The following TOPAZ1 variants were observed in gnomAD, a reference collection of about 807,000 sequenced individuals.
TOPAZ1 encodes the protein protein TOPAZ1.
Under a neutral mutation model 172.2 loss-of-function variants are expected in TOPAZ1, and 66 were observed. The observed-to-expected ratio is 0.38, with a 90% CI of 0.31 to 0.47. The LOEUF is 0.47. TOPAZ1 is among the 20% of genes least tolerant of loss of function. TOPAZ1 has a pLI of 0.99. For missense variants in TOPAZ1, 1,822 were observed against 1,972.4 expected (o/e 0.92, Z 1.44); for synonymous variants, 681 against 683.9 (o/e 1.00, Z 0.07).
chr3:44,305,453 T>C, intron 14 of TOPAZ1, 132 bp downstream of exon 14: 1 of 663,730 alleles, frequency 1.5e-6, no homozygotes, highest in Non-Finnish European at 2.3e-6. Flanking sequence ...CACCGCAGCC[T>C]CGAACTCCTG....
At chr3:44,282,068 A>T (rs1404466062) in intron 9 of TOPAZ1, 37 bp downstream of exon 9, 2 of 1,323,020 alleles carry the variant, frequency 1.5e-6, no homozygotes, top group Non-Finnish European at 2.1e-6. Flanking sequence ...GAAGCTATTA[A>T]TGTGTTGTTT....
In TOPAZ1 at chr3:44,242,057, C is replaced by T; in HGVS notation, c.4C>T (p.Arg2Ter). Residue 2 changes from arginine to a stop codon, truncating the protein, a stop_gained, in exon 1 of 20, where the codon CGA (arginine) becomes TGA (stop). Coordinates refer to ENST00000309765, the MANE Select transcript of TOPAZ1 (RefSeq NM_001145030.2). LOFTEE classifies it high-confidence loss of function. The part of the protein sequence containing the change: M[R>*]RPPPLGPTTA... ...CAGCGGGCCGGCCCCGGGGCACATG[C>T]GACGACCTCCACCCCTGGGCCCCAC... The T allele has an allele frequency of 6.5e-7, 1 of 1,543,646 alleles. No homozygotes were observed. The highest frequency in any genetic ancestry group is 8.7e-7 in the Non-Finnish European group (1 of 1,146,122).
At position 44,243,724 on chromosome 3, in the gene TOPAZ1, A is replaced by C; in HGVS notation, c.1218A>C (p.Thr406=). The change falls in exon 2 of 20, where the codon ACA becomes ACC. Residue 406 remains threonine, a synonymous_variant. Coordinates refer to ENST00000309765, the MANE Select transcript of TOPAZ1 (RefSeq NM_001145030.2). ...TCCCAGAAACAGTAGAAAAAGAAAC[A>C]AGTTCTGAACATCATGTAAATGCTG... The part of the protein sequence containing the change: ...LSVPETVEKE[T]SSEHHVNAVF... 6.4e-7 allele frequency: 1 copy of C among 1,551,002 alleles called. No individual in the cohort carries two copies. Among genetic ancestry groups the C allele is most frequent in the South Asian group, 1.2e-5 (1 of 83,804 alleles).
rs1331101751 is a variant in TOPAZ1, at chr3:44,290,872, G to T, written c.3783G>T (p.Leu1261=). The T allele has an allele frequency of 4.5e-6, 7 of 1,542,208 alleles. No homozygotes were observed. Among genetic ancestry groups the T allele is most frequent in the South Asian group, 1.2e-5 (1 of 82,428 alleles). The change falls in exon 12 of 20, where the codon CTG becomes CTT. Residue 1261 remains leucine, a synonymous_variant. Transcript: ENST00000309765. ...CCAAACAAGAAATAACTGCAGTTCTGGAAATGAAATCGAGGTGAGAAAAAT... is the reference window on the plus strand; with the variant it reads ...CCAAACAAGAAATAACTGCAGTTCTTGAAATGAAATCGAGGTGAGAAAAAT... The part of the protein sequence containing the change: ...QASKQEITAV[L]EMKSRLQMRR...
chr3:44,242,036 G>A lies in TOPAZ1; in HGVS notation c.-18G>A, dbSNP rs1394870103. 3.9e-6 allele frequency: 6 copies of A among 1,537,964 alleles called. No homozygotes were observed. Among genetic ancestry groups the A allele is most frequent in the Non-Finnish European group, 5.2e-6 (6 of 1,145,074 alleles). On this transcript the variant is annotated 5_prime_UTR_variant, in exon 1 of 20. Transcript: ENST00000309765. ...CGAGCTGGTGCAGAGGGGCCCCAGC[G>A]GGCCGGCCCCGGGGCACATGCGACG... is the stretch of plus-strand genomic sequence containing the variant.
intron 16 of TOPAZ1, among the ~76,000 whole-genome samples, chr3:44,311,023 C>T (rs73088483): frequency 0.19 from 28,479 of 151,828 alleles, 2,869 homozygotes; most frequent in Middle Eastern, 0.29. Context: ...GGGATAAGAA[C>T]GAAAAAACCT....
chr3:44,288,422 G>A (rs539336806), intron 11 of TOPAZ1, among the ~76,000 whole-genome samples: 2 of 152,206 alleles, frequency 1.3e-5, no homozygotes, highest in East Asian at 1.9e-4. Flanking sequence ...GGTGGCTCAC[G>A]CCTGTAATCC....
intron 8 of TOPAZ1, among the ~76,000 whole-genome samples, chr3:44,279,230 TTGTA>T (rs1293953338): frequency 6.6e-6 from 1 of 152,178 alleles, no homozygotes; most frequent in Non-Finnish European, 1.5e-5. Flanking sequence ...CTGGTTCGTT[TTGTA>T]TTCTAACATA....
chr3:44,269,394 C>A (rs1699868473), intron 7 of TOPAZ1, 93 bp downstream of exon 7: 5 of 690,212 alleles, frequency 7.2e-6, no homozygotes, highest in Non-Finnish European at 1.0e-5. Flanking sequence ...TTCCTCCACT[C>A]CCTCTTTTAT....
rs1699701919 is a variant in TOPAZ1, at chr3:44,256,235, G to C, written c.2912G>C (p.Gly971Ala). 2.6e-6 allele frequency: 4 copies of C among 1,536,164 alleles called. No individual in the cohort carries two copies. The highest frequency in any genetic ancestry group is 2.6e-6 in the Non-Finnish European group (3 of 1,142,656). Residue 971 changes from glycine to alanine, a missense_variant, in exon 4 of 20, where the codon GGA (glycine) becomes GCA (alanine). By Grantham distance (60) the Gly-to-Ala change is moderately conservative. Coordinates refer to ENST00000309765, the MANE Select transcript of TOPAZ1 (RefSeq NM_001145030.2). ...ANETSENETL[G>A]DFSEQIKGSD... The stretch of plus-strand genomic sequence containing the variant: ...GAGACCTCTGAAAATGAAACACTGG[G>C]AGACTTCAGTGAACAAATAAAAGGT...
intron 9 of TOPAZ1, among the ~76,000 whole-genome samples, chr3:44,284,431 T>C (rs1051134687): frequency 2.6e-5 from 4 of 152,346 alleles, no homozygotes; most frequent in Non-Finnish European, 5.9e-5. Context: ...TTATCCATAT[T>C]GTAACGTGTA....
Position 44,242,253 on chromosome 3 carries a change from A to T in TOPAZ1, c.200A>T (p.Lys67Met). 2.6e-6 allele frequency: 4 copies of T among 1,548,566 alleles called. No individual in the cohort carries two copies. The highest frequency in any genetic ancestry group is 3.5e-6 in the Non-Finnish European group (4 of 1,146,184). The change falls in exon 1 of 20, where the codon AAG becomes ATG. Residue 67 changes from lysine to methionine, a missense_variant. Lys to Met is a moderately conservative substitution (Grantham distance 95, BLOSUM62 -1). This residue lies in a region of TOPAZ1 where 1,489 missense variants were observed against 1,490.8 expected (regional missense o/e 1.00). Coordinates refer to ENST00000309765, the MANE Select transcript of TOPAZ1 (RefSeq NM_001145030.2). ...GGGAGAGGCGAGGTGGAAAGTGATA[A>T]GTCGGTTGCAGCATCAGGGGCTGGA... ...TPGRGEVESD[K>M]SVAASGAGKA...
rs573797728 is a variant in TOPAZ1, at chr3:44,269,692, C to T, written c.3246+391C>T. Among the ~76,000 whole-genome samples, 297 of 151,756 alleles carry T rather than the reference C, an allele frequency of 2.0e-3. 1 individual carries two copies. The highest frequency in any genetic ancestry group is 4.0e-3 in the Admixed American group (61 of 15,214). Reference sequence around the variant, plus strand: ...CTGGAGTACAATGGCATGATCTTGGCTCACTGCAACCTCTGCCTCCTGGGT... The same window carrying T: ...CTGGAGTACAATGGCATGATCTTGGTTCACTGCAACCTCTGCCTCCTGGGT... On this transcript the variant is annotated intron_variant, in intron 7 of 19. Coordinates refer to ENST00000309765, the MANE Select transcript of TOPAZ1 (RefSeq NM_001145030.2).
downstream of TOPAZ1, among the ~76,000 whole-genome samples, chr3:44,336,413 G>A (rs889234070): frequency 2.6e-5 from 4 of 152,186 alleles, no homozygotes; most frequent in African/African-American, 4.8e-5. Context: ...TGTTTATAAA[G>A]CTGAATAACT....
At chr3:44,290,140 C>T (rs752467778) in intron 11 of TOPAZ1, among the ~76,000 whole-genome samples, 4 of 152,144 alleles carry the variant, frequency 2.6e-5, no homozygotes, top group East Asian at 1.9e-4. Flanking sequence ...TATCTTCCCA[C>T]GTTTCCAGGA....
chr3:44,285,696 G>A (rs1190120943), intron 9 of TOPAZ1, among the ~76,000 whole-genome samples: 1 of 151,372 alleles, frequency 6.6e-6, no homozygotes, highest in Non-Finnish European at 1.5e-5. Context: ...CAGTCTCCCT[G>A]AGTAGCTGTG....
At position 44,297,866 on chromosome 3, in the gene TOPAZ1, A is replaced by G. The variant is rs1700217273; in HGVS notation, c.3798-6149A>G. Among the ~76,000 whole-genome samples, 3 of 152,240 alleles carry G rather than the reference A, an allele frequency of 2.0e-5. No individual in the cohort carries two copies. In the South Asian group the frequency reaches 6.2e-4, roughly 31 times the overall value. Reference sequence around the variant, plus strand: ...AAACGAACTGGGGAAACCAGCATTTAAAACAATATAATTTACAATGGCTAA... The same window carrying G: ...AAACGAACTGGGGAAACCAGCATTTGAAACAATATAATTTACAATGGCTAA... On this transcript the variant is annotated intron_variant, in intron 12 of 19. Transcript: ENST00000309765.
intron 2 of TOPAZ1, among the ~76,000 whole-genome samples, chr3:44,254,160 C>T (rs1699667289): frequency 6.6e-6 from 1 of 152,152 alleles, no homozygotes; most frequent in Non-Finnish European, 1.5e-5. Context: ...AGTTTTGCCA[C>T]AGTTTACACA....
At chr3:44,328,519 T>G (rs1700628220) in intron 19 of TOPAZ1, 86 bp downstream of exon 19, 3 of 665,206 alleles carry the variant, frequency 4.5e-6, no homozygotes, top group Non-Finnish European at 7.2e-6. Flanking sequence ...TTATGTGTTT[T>G]TATACATACA....
Sources: allele counts gnomAD v4.1 joint callset (sites outside exome capture counted in the v4.1 genomes callset), GRCh38; gene constraint gnomAD v4.1.1; regional missense constraint gnomAD v4.1.1; transcripts MANE v1.5; gene names NCBI Gene and HGNC (gene_info 2026-07-23, HGNC 2026-07-21).